The following ETFA variants were observed in gnomAD, a reference collection of about 807,000 sequenced individuals.
ETFA encodes the protein electron transfer flavoprotein subunit alpha, mitochondrial.
A neutral mutation model predicts 46.2 loss-of-function variants in ETFA; 22 were observed. The ratio of observed to expected loss-of-function variants is 0.48; its 90% CI spans 0.34 to 0.68. ETFA has a LOEUF of 0.68. Ranked by LOEUF, ETFA falls within the 30% of genes least tolerant of loss-of-function variation. ETFA has a pLI of 0.01. For synonymous variants in ETFA, 131 were observed against 139.9 expected (o/e 0.94, Z 0.45); for missense variants, 345 against 401.1 (o/e 0.86, Z 1.19).
At chr15:76,233,033 G>A (rs192276047) in intron 9 of ETFA, among the ~76,000 whole-genome samples, 3 of 152,134 alleles carry the variant, frequency 2.0e-5, no homozygotes, top group African/African-American at 7.2e-5. Flanking sequence ...CTTGTTTTTT[G>A]AATCAACTTG....
At chr15:76,281,808 G>A (rs746723395) in intron 8 of ETFA, among the ~76,000 whole-genome samples, 1 of 151,430 alleles carries the variant, frequency 6.6e-6, no homozygotes, top group Non-Finnish European at 1.5e-5. Flanking sequence ...TATTACCTAC[G>A]TGGCAGCAGA....
intron 1 of ETFA, among the ~76,000 whole-genome samples, chr15:76,309,179 G>A (rs1287067565): frequency 2.6e-5 from 4 of 152,218 alleles, no homozygotes; most frequent in Non-Finnish European, 5.9e-5. Flanking sequence ...GCTGGGCGCG[G>A]TGGCTCACGC....
In ETFA at chr15:76,230,307, A is replaced by G. The variant is rs1472287438; in HGVS notation, c.882+1026T>C. ...AGTGGCGCGATCTCGGCTCACTGCA[A>G]GCTCCGCCTCCCGGGTTCACGCCAT... is the stretch of plus-strand genomic sequence containing the variant. On this transcript the variant is annotated intron_variant, in intron 10 of 11. Transcript: ENST00000557943. The G allele has an allele frequency of 8.3e-5, 5 of 60,172 alleles. No homozygotes were observed. The South Asian group carries it at 2.0e-3, about 24-fold the overall frequency. 3.7% of individuals were successfully genotyped at this position (60,172 alleles called of 1,614,324 possible).
chr15:76,233,441 C>T (rs1330320068), intron 9 of ETFA, among the ~76,000 whole-genome samples: 4 of 150,902 alleles, frequency 2.7e-5, no homozygotes, highest in Admixed American at 2.0e-4. Context: ...GCGATTCTCC[C>T]GCCTCGGCCT....
chr15:76,221,479 G>C, intron 11 of ETFA, among the ~76,000 whole-genome samples: 1 of 152,204 alleles, frequency 6.6e-6, no homozygotes, highest in Middle Eastern at 3.2e-3. Context: ...TTTATGGTAC[G>C]TGAATTATAT....
intron 2 of ETFA, 123 bp downstream of exon 2, chr15:76,295,468 A>T: frequency 1.2e-6 from 1 of 828,384 alleles, no homozygotes; most frequent in Admixed American, 1.7e-5. Flanking sequence ...TGTGACACTG[A>T]CCATTTAATG....
intron 9 of ETFA, among the ~76,000 whole-genome samples, chr15:76,268,850 T>C (rs1178290586): frequency 1.3e-5 from 2 of 152,134 alleles, no homozygotes; most frequent in Non-Finnish European, 2.9e-5. Context: ...CTCAATTAAT[T>C]CAAAAACAAA....
intron 1 of ETFA, 112 bp from the exon 2 acceptor site, chr15:76,295,849 CA>C (rs2039813840): frequency 3.5e-6 from 2 of 579,316 alleles, no homozygotes; most frequent in South Asian, 4.9e-5. Context: ...ATTCTGTACA[CA>C]ATATTATTCT....
At chr15:76,241,585 G>C (rs2039189415) in intron 9 of ETFA, among the ~76,000 whole-genome samples, 1 of 151,846 alleles carries the variant, frequency 6.6e-6, no homozygotes, top group Non-Finnish European at 1.5e-5. Flanking sequence ...CGGATCACGA[G>C]GTCAGGAGAT....
intron 9 of ETFA, among the ~76,000 whole-genome samples, chr15:76,254,535 C>T (rs1269525115): frequency 6.6e-6 from 1 of 152,178 alleles, no homozygotes; most frequent in Non-Finnish European, 1.5e-5. Flanking sequence ...CAGCAATTCT[C>T]AAAATATGGT....
At chr15:76,268,189 C>CAAAAAAAAAAAAAAAAAA (rs57096514) in intron 9 of ETFA, among the ~76,000 whole-genome samples, 1 of 107,080 alleles carries the variant, frequency 9.3e-6, no homozygotes, top group Non-Finnish European at 2.0e-5. Flanking sequence ...CCAGCTACAG[C>CAAAAAAAAAAAAAAAAAA]AAAAAAAAAA....
intron 9 of ETFA, among the ~76,000 whole-genome samples, chr15:76,236,433 T>A (rs2039123138): frequency 6.6e-6 from 1 of 152,234 alleles, no homozygotes; most frequent in African/African-American, 2.4e-5. Flanking sequence ...GTTATCATAC[T>A]GGGCAGCACA....
rs2039402182 is a variant in ETFA, at chr15:76,260,756, G to A, written c.816+13656C>T. 5.0e-6 allele frequency: 8 copies of A among 1,602,246 alleles called. No homozygotes were observed. In the African/African-American group the frequency reaches 8.1e-5, roughly 16 times the overall value. ...GAGCGCTGGCTGGGGCTAGACCCTT[G>A]GTCTGAAAGGGCACCCAGTCAGCAT... On this transcript the variant is annotated intron_variant, in intron 9 of 11. Coordinates refer to ENST00000557943, the MANE Select transcript of ETFA (RefSeq NM_000126.4).
chr15:76,255,617 G>T (rs1311632210), intron 9 of ETFA, among the ~76,000 whole-genome samples: 1 of 152,176 alleles, frequency 6.6e-6, no homozygotes. Context: ...TGCCTGACAA[G>T]TCTGTAGACA....
intron 1 of ETFA, among the ~76,000 whole-genome samples, chr15:76,300,531 CCTT>C (rs1334637730): frequency 1.3e-5 from 2 of 152,168 alleles, no homozygotes; most frequent in Non-Finnish European, 2.9e-5. Flanking sequence ...AGGCCATTAT[CCTT>C]CTCCTCTATT....
chr15:76,283,819 C>G lies in ETFA; in HGVS notation c.671G>C (p.Gly224Ala). The G allele has an allele frequency of 1.2e-6, 2 of 1,609,664 alleles. No individual in the cohort carries two copies. The highest frequency in any genetic ancestry group is 1.7e-6 in the Non-Finnish European group (2 of 1,176,758). Residue 224 changes from glycine (G) to alanine (A), a missense_variant, in exon 8 of 12, where the codon GGC becomes GCC. Physicochemically the swap from Gly to Ala is moderately conservative, Grantham distance 60 (BLOSUM62 0). Coordinates refer to ENST00000557943, the MANE Select transcript of ETFA (RefSeq NM_000126.4). ...CTTAAAGTTCTCTCCACTCTTCAAG[C>G]CTCGACCTCATTTAAAAAGATGAAA... ...GAKVVVSGGR[G>A]LKSGENFKLL...
intron 9 of ETFA, among the ~76,000 whole-genome samples, chr15:76,243,614 C>T (rs1333571984): frequency 2.0e-5 from 3 of 151,876 alleles, no homozygotes; most frequent in African/African-American, 4.8e-5. Context: ...GCCTGGCCAA[C>T]GTGGCGAAAC....
chr15:76,300,812 G>T (rs887735072), intron 1 of ETFA, among the ~76,000 whole-genome samples: 1 of 151,982 alleles, frequency 6.6e-6, no homozygotes, highest in Non-Finnish European at 1.5e-5. Flanking sequence ...ACTTGAACTT[G>T]CCCTGCTCTC....
At chr15:76,265,283 A>T (rs926283870) in intron 9 of ETFA, among the ~76,000 whole-genome samples, 1 of 152,222 alleles carries the variant, frequency 6.6e-6, no homozygotes, top group Non-Finnish European at 1.5e-5. Flanking sequence ...AGAGAGATTC[A>T]ACTAGTTATT....
Sources: gnomAD v4.1 joint callset for allele counts (sites outside exome capture counted in the v4.1 genomes callset) on GRCh38, gnomAD v4.1.1 for gene constraint, MANE v1.5 for transcripts, NCBI Gene and HGNC (gene_info 2026-07-23, HGNC 2026-07-21) for gene names.